The following UBE2D2 variants were observed in gnomAD, a reference collection of about 807,000 sequenced individuals.
UBE2D2 encodes the protein ubiquitin-conjugating enzyme E2 D2.
A neutral mutation model predicts 24.2 loss-of-function variants in UBE2D2; 2 were observed. The ratio of observed to expected loss-of-function variants is 0.08; its 90% CI spans 0.03 to 0.26. The LOEUF is 0.26. UBE2D2 is among the 10% of genes least tolerant of loss of function. The pLI is 1.00. For synonymous variants in UBE2D2, 58 were observed against 56.5 expected (o/e 1.03, Z -0.12); for missense variants, 44 against 177.6 (o/e 0.25, Z 4.28).
At chr5:139,587,554 C>T (rs931464854) in intron 1 of UBE2D2, among the ~76,000 whole-genome samples, 5 of 151,390 alleles carry the variant, frequency 3.3e-5, no homozygotes, top group Admixed American at 6.6e-5. Context: ...TGGCGGGCAC[C>T]ACCAGCAACT....
At chr5:139,586,962 A>G (rs892499808) in intron 1 of UBE2D2, among the ~76,000 whole-genome samples, 9 of 152,148 alleles carry the variant, frequency 5.9e-5, no homozygotes, top group African/African-American at 2.2e-4. Flanking sequence ...GCTGAAGTAC[A>G]GTGGCACTAT....
At chr5:139,596,340 C>A (rs948559502) in intron 1 of UBE2D2, among the ~76,000 whole-genome samples, 2 of 151,788 alleles carry the variant, frequency 1.3e-5, no homozygotes, top group African/African-American at 4.8e-5. Flanking sequence ...GTCACCCAGG[C>A]TGGAGTGCAG....
chr5:139,580,695 T>G (rs1753583415), intron 1 of UBE2D2, among the ~76,000 whole-genome samples: 1 of 152,168 alleles, frequency 6.6e-6, no homozygotes. Context: ...TCCACCCATC[T>G]CAGCCTCCCA....
At chr5:139,596,971 C>G (rs372297506) in intron 1 of UBE2D2, among the ~76,000 whole-genome samples, 2 of 151,796 alleles carry the variant, frequency 1.3e-5, no homozygotes, top group East Asian at 3.9e-4. Flanking sequence ...GGCGTGAACC[C>G]GGGAGGCGGA....
chr5:139,584,533 C>CTTTTTTTTTTTTTTTT (rs10642044), intron 1 of UBE2D2, among the ~76,000 whole-genome samples: 4 of 133,068 alleles, frequency 3.0e-5, no homozygotes, highest in African/African-American at 8.7e-5. Context: ...CTTTTCTTTT[C>CTTTTTTTTTTTTTTTT]TTTTTTTTTT....
upstream of UBE2D2, among the ~76,000 whole-genome samples, chr5:139,560,581 C>T (rs1753053159): frequency 6.6e-6 from 1 of 152,222 alleles, no homozygotes; most frequent in Non-Finnish European, 1.5e-5. Context: ...ATGCGCCAGC[C>T]TCAGCCTCCC....
At chr5:139,605,591 CAAAAAAAAAAA>C (rs70988710) in intron 2 of UBE2D2, among the ~76,000 whole-genome samples, 4 of 44,718 alleles carry the variant, frequency 8.9e-5, no homozygotes, top group Admixed American at 6.4e-4. Context: ...GACTCTGTCT[CAAAAAAAAAAA>C]AAAAAAAAAA....
chr5:139,607,346 T>G (rs1187405600), intron 2 of UBE2D2, among the ~76,000 whole-genome samples: 1 of 152,242 alleles, frequency 6.6e-6, no homozygotes, highest in African/African-American at 2.4e-5. Context: ...GGTTTTAGTT[T>G]CTCTTTCTCT....
At chr5:139,548,188 AAAAAAAAAT>A (rs1752862002) in intron 1 of UBE2D2, among the ~76,000 whole-genome samples, 12 of 49,334 alleles carry the variant, frequency 2.4e-4, no homozygotes, top group South Asian at 7.6e-4. Context: ...AAAAAATAAA[AAAAAAAAAT>A]AAATAAATAA....
At chr5:139,611,335 C>T (rs1002891791) in intron 2 of UBE2D2, among the ~76,000 whole-genome samples, 18 of 151,598 alleles carry the variant, frequency 1.2e-4, no homozygotes, top group Admixed American at 7.3e-4. Context: ...TACAGACGCC[C>T]GCCATCACGC....
upstream of UBE2D2, among the ~76,000 whole-genome samples, chr5:139,560,515 A>G (rs902028023): frequency 4.6e-5 from 7 of 151,784 alleles, no homozygotes; most frequent in African/African-American, 1.7e-4. Context: ...TATTTTTAGT[A>G]GAGATGGGGT....
intron 2 of UBE2D2, among the ~76,000 whole-genome samples, chr5:139,608,765 C>CA (rs1461202919): frequency 1.3e-5 from 2 of 152,002 alleles, no homozygotes; most frequent in Non-Finnish European, 2.9e-5. Context: ...CAGGGAATCA[C>CA]AAAAAAGGAA....
intron 1 of UBE2D2, among the ~76,000 whole-genome samples, chr5:139,582,954 G>C (rs1449740681): frequency 6.6e-6 from 1 of 151,128 alleles, no homozygotes; most frequent in Non-Finnish European, 1.5e-5. Flanking sequence ...ACAGGCGTGA[G>C]CCACTGCGCC....
At position 139,625,042 on chromosome 5, in the gene UBE2D2, C is replaced by T. The variant is rs186241859; in HGVS notation, c.398+1581C>T. On this transcript the variant is annotated intron_variant, in intron 6 of 6. Transcript: ENST00000398733. The stretch of plus-strand genomic sequence containing the variant: ...ACAGAACTTTCCCAAACTGCACTGC[C>T]CCCACCCTCTAACCCCCCACTTTTT... 2.4e-4 allele frequency among the ~76,000 whole-genome samples: 36 copies of T among 150,076 alleles called. 1 individual carries two copies. Among genetic ancestry groups the T allele is most frequent in the Admixed American group, 4.7e-4 (7 of 15,024 alleles).
At chr5:139,592,471 G>T (rs995264329) in intron 1 of UBE2D2, among the ~76,000 whole-genome samples, 1 of 152,176 alleles carries the variant, frequency 6.6e-6, no homozygotes, top group East Asian at 1.9e-4. Context: ...TGACCTGGTA[G>T]TTGTGGGGTA....
At chr5:139,546,684 C>G (rs1373730156) in intron 1 of UBE2D2, among the ~76,000 whole-genome samples, 3 of 151,644 alleles carry the variant, frequency 2.0e-5, no homozygotes, top group Non-Finnish European at 4.4e-5. Flanking sequence ...TGGAGTTTCA[C>G]CATGTTTGCC....
chr5:139,562,120 A>G, intron 1 of UBE2D2: 10 of 1,094,892 alleles, frequency 9.1e-6, no homozygotes, highest in Non-Finnish European at 1.1e-5. Context: ...CTTGAGGGCC[A>G]TTGTCGGGCC....
In UBE2D2 at chr5:139,530,140, G is replaced by A. The variant is rs1400560630; in HGVS notation, c.-64+3528G>A. On this transcript the variant is annotated intron_variant, in intron 1 of 6. Coordinates refer to the UBE2D2 transcript ENST00000511725. ...ATGGTACCACAAAAACAGTTACATG[G>A]TAGAGTTCCAATCACACAGAAAGGA... Among the ~76,000 whole-genome samples, 3 of 152,288 alleles carry A rather than the reference G, an allele frequency of 2.0e-5. No individual in the cohort carries two copies. In the East Asian group the frequency reaches 5.8e-4, roughly 29 times the overall value.
chr5:139,552,017 C>A (rs996572908), intron 1 of UBE2D2, among the ~76,000 whole-genome samples: 1 of 152,108 alleles, frequency 6.6e-6, no homozygotes, highest in East Asian at 1.9e-4. Context: ...AACAACAGTA[C>A]AAAAGGAATG....
Sources: gnomAD v4.1 joint callset for allele counts (sites outside exome capture counted in the v4.1 genomes callset) on GRCh38, gnomAD v4.1.1 for gene constraint, MANE v1.5 for transcripts, NCBI Gene and HGNC (gene_info 2026-07-23, HGNC 2026-07-21) for gene names.